The following KCNIP4 variants were observed in gnomAD, a reference collection of about 807,000 sequenced individuals.
KCNIP4 encodes the protein potassium voltage-gated channel interacting protein 4, also known as Kv channel-interacting protein 4.
A neutral mutation model predicts 34.0 loss-of-function variants in KCNIP4; 12 were observed. The ratio of observed to expected loss-of-function variants is 0.35; its 90% CI spans 0.23 to 0.57. The LOEUF (loss-of-function observed/expected upper bound fraction) is 0.57. Ranked by LOEUF, KCNIP4 falls within the 20% of genes least tolerant of loss-of-function variation. The pLI is 0.83. For missense variants in KCNIP4, 238 were observed against 311.7 expected (o/e 0.76, Z 1.78); for synonymous variants, 124 against 102.2 (o/e 1.21, Z -1.29).
rs1033170692 is a variant in KCNIP4 at position 20,734,774 on chromosome 4, T to A, written c.430-39A>T. On this transcript the variant is annotated intron_variant, in intron 5 of 8. Coordinates refer to ENST00000382152, the MANE Select transcript of KCNIP4 (RefSeq NM_025221.6). ...AAAATTCAATTTTATATGACATTTT[T>A]AAAAAAACAAAAACAAAAAAAACAA... 99 of 1,290,828 alleles carry A rather than the reference T, an allele frequency of 7.7e-5. 1 individual carries two copies. The highest frequency in any genetic ancestry group is 1.0e-4 in the Non-Finnish European group (92 of 923,982). 80.0% of individuals were successfully genotyped at this position (1,290,828 alleles called of 1,614,324 possible).
intron 1 of KCNIP4, among the ~76,000 whole-genome samples, chr4:21,884,447 C>T (rs73116255): frequency 1.1e-3 from 163 of 152,076 alleles, no homozygotes; most frequent in African/African-American, 3.8e-3. Flanking sequence ...GGCCTGGTCT[C>T]GGCACAGTAG....
At chr4:21,218,620 G>A (rs1757780716) in intron 1 of KCNIP4, among the ~76,000 whole-genome samples, 1 of 152,062 alleles carries the variant, frequency 6.6e-6, no homozygotes, top group Non-Finnish European at 1.5e-5. Flanking sequence ...AGACCATGAG[G>A]AAATCTATGC....
chr4:21,044,184 C>A (rs1398592788), intron 1 of KCNIP4, among the ~76,000 whole-genome samples: 1 of 152,168 alleles, frequency 6.6e-6, no homozygotes, highest in Admixed American at 6.5e-5. Context: ...TCTCCACTAC[C>A]ATCTTCTCCA....
At chr4:20,739,699 C>T (rs777264829) in intron 5 of KCNIP4, among the ~76,000 whole-genome samples, 3 of 151,920 alleles carry the variant, frequency 2.0e-5, no homozygotes, top group Non-Finnish European at 4.4e-5. Flanking sequence ...CAAAGGAACG[C>T]ACCTCCTCGC....
chr4:20,756,409 T>C (rs1177461374), intron 4 of KCNIP4, among the ~76,000 whole-genome samples: 4 of 152,138 alleles, frequency 2.6e-5, no homozygotes, highest in Admixed American at 2.0e-4. Flanking sequence ...TCTTTTCTTT[T>C]CTATCCTAAA....
intron 1 of KCNIP4, among the ~76,000 whole-genome samples, chr4:21,519,728 G>A (rs572023302): frequency 8.3e-6 from 1 of 120,578 alleles, no homozygotes; most frequent in African/African-American, 3.5e-5. Context: ...ATACACACGT[G>A]TGTATATGTA....
At chr4:21,407,322 C>G (rs191745248) in intron 1 of KCNIP4, among the ~76,000 whole-genome samples, 2 of 152,130 alleles carry the variant, frequency 1.3e-5, no homozygotes, top group African/African-American at 4.8e-5. Flanking sequence ...TTAGCCCTAT[C>G]CAAAGTAACT....
intron 1 of KCNIP4, among the ~76,000 whole-genome samples, chr4:21,756,627 G>A (rs1233625186): frequency 6.6e-6 from 1 of 151,230 alleles, no homozygotes; most frequent in East Asian, 1.9e-4. Context: ...GATGGAAGAA[G>A]TCCAAATGTA....
At chr4:21,766,742 CATCTCTTA>C (rs779528171) in intron 1 of KCNIP4, among the ~76,000 whole-genome samples, 22 of 152,092 alleles carry the variant, frequency 1.4e-4, no homozygotes, top group Non-Finnish European at 2.9e-4. Context: ...CAAAGTCTGG[CATCTCTTA>C]ACAATAAACT....
intron 1 of KCNIP4, among the ~76,000 whole-genome samples, chr4:21,454,962 C>T (rs1560421866): frequency 6.6e-6 from 1 of 152,034 alleles, no homozygotes; most frequent in African/African-American, 2.4e-5. Context: ...CTTTAGTTTA[C>T]TCAGGACCAT....
intron 3 of KCNIP4, among the ~76,000 whole-genome samples, chr4:20,787,812 A>C (rs1023066711): frequency 5.9e-5 from 9 of 152,216 alleles, no homozygotes; most frequent in African/African-American, 2.2e-4. Context: ...ATTTATTTTT[A>C]ATTGAAATTC....
chr4:21,570,871 T>G (rs563962316), intron 1 of KCNIP4, among the ~76,000 whole-genome samples: 72 of 152,272 alleles, frequency 4.7e-4, no homozygotes, highest in African/African-American at 1.6e-3. Flanking sequence ...CAGCTGTTAT[T>G]TTCCCTATTT....
At chr4:20,820,271 C>T (rs1048740409) in intron 3 of KCNIP4, among the ~76,000 whole-genome samples, 4 of 152,106 alleles carry the variant, frequency 2.6e-5, no homozygotes, top group Non-Finnish European at 5.9e-5. Flanking sequence ...GGATTGTAAA[C>T]TGGAGAAAAA....
At chr4:21,826,221 C>A (rs1463193585) in intron 1 of KCNIP4, among the ~76,000 whole-genome samples, 1 of 152,130 alleles carries the variant, frequency 6.6e-6, no homozygotes, top group Non-Finnish European at 1.5e-5. Context: ...CTACATAAGT[C>A]ATTTTTGACA....
At chr4:21,913,227 C>A (rs937924780) in intron 1 of KCNIP4, among the ~76,000 whole-genome samples, 1 of 152,040 alleles carries the variant, frequency 6.6e-6, no homozygotes, top group Admixed American at 6.6e-5. Context: ...TGCAGACCAG[C>A]TACTTGGGAG....
chr4:21,519,596 A>ATATACACATGTGTG (rs1235701578), intron 1 of KCNIP4, among the ~76,000 whole-genome samples: 5 of 20,508 alleles, frequency 2.4e-4, no homozygotes, highest in African/African-American at 1.9e-3. Flanking sequence ...ATGTATGTGT[A>ATATACACATGTGTG]TATATACACA....
chr4:21,011,553 A>C (rs899454508), intron 1 of KCNIP4, among the ~76,000 whole-genome samples: 10 of 152,214 alleles, frequency 6.6e-5, no homozygotes, highest in African/African-American at 2.4e-4. Flanking sequence ...TATAATTTAA[A>C]TTTATAGAAA....
At chr4:21,303,528 G>A (rs977019503) in intron 1 of KCNIP4, among the ~76,000 whole-genome samples, 1 of 152,076 alleles carries the variant, frequency 6.6e-6, no homozygotes. Flanking sequence ...AAATAAGCAG[G>A]TAGATCCATT....
chr4:21,401,254 T>A (rs1723533918), intron 1 of KCNIP4, among the ~76,000 whole-genome samples: 1 of 152,234 alleles, frequency 6.6e-6, no homozygotes, highest in Non-Finnish European at 1.5e-5. Flanking sequence ...GGGGGAAATA[T>A]ACAGCTGAAG....
Sources: gnomAD v4.1 joint callset for allele counts (sites outside exome capture counted in the v4.1 genomes callset) on GRCh38, gnomAD v4.1.1 for gene constraint, MANE v1.5 for transcripts, NCBI Gene and HGNC (gene_info 2026-07-23, HGNC 2026-07-21) for gene names.